The following LY75 variants were observed in gnomAD, a reference collection of about 807,000 sequenced individuals.
LY75 encodes the protein lymphocyte antigen 75, also known as C-type lectin domain family 13 member B.
A neutral mutation model predicts 231.7 loss-of-function variants in LY75; 185 were observed. The observed-to-expected ratio is 0.80, with a 90% CI of 0.71 to 0.90. The LOEUF is 0.90. Among genes scored for constraint, LY75 ranks in the 40% least tolerant of loss-of-function variants. The pLI, the probability that LY75 is intolerant of heterozygous loss-of-function variation, is 0.00. For missense variants in LY75, 1,947 were observed against 2,050.2 expected (o/e 0.95, Z 0.97); for synonymous variants, 668 against 689.0 (o/e 0.97, Z 0.48).
chr2:159,881,356 T>C, intron 7 of LY75, 116 bp from the exon 8 acceptor site: 1 of 1,216,118 alleles, frequency 8.2e-7, no homozygotes, highest in Non-Finnish European at 1.1e-6. Context: ...TGTAGTATTC[T>C]TAATTCGGTT....
rs1447579449 is a variant in LY75, at chr2:159,821,643, G to A, written c.3959-1723C>T. On this transcript the variant is annotated intron_variant, in intron 28 of 34. Transcript: ENST00000263636. ...TCAAAAAAAAAAAAAGAAAAGAAAA[G>A]AAAGAAAACATAGGAGTAAGTCTTC... Among the ~76,000 whole-genome samples the A allele has an allele frequency of 5.1e-4, 68 of 134,188 alleles. 1 individual carries two copies. Among genetic ancestry groups the A allele is most frequent in the Non-Finnish European group, 7.3e-4 (45 of 61,624 alleles). 88.0% of individuals were successfully genotyped at this position (134,188 alleles called of 152,430 possible).
rs1684604927 is a variant in LY75 at position 159,858,394 on chromosome 2, G to A, written c.2351C>T (p.Thr784Ile). The A allele has an allele frequency of 6.2e-7, 1 of 1,613,312 alleles. No individual in the cohort carries two copies. Among genetic ancestry groups the A allele is most frequent in the Non-Finnish European group, 8.5e-7 (1 of 1,179,720 alleles). ...FIYLRPFACD[T>I]KLEWVCQIPK... ...AATTTGGCACACCCATTCAAGTTTT[G>A]TATCACAAGCAAAAGGCCTCAAATA... is the stretch of plus-strand genomic sequence containing the variant. Residue 784 changes from threonine to isoleucine, a missense_variant, in exon 16 of 35, where the codon ACA becomes ATA. Thr to Ile is a moderately conservative substitution (Grantham distance 89). Transcript: ENST00000263636.
chr2:159,899,377 G>C (rs1276772388), intron 1 of LY75, among the ~76,000 whole-genome samples: 1 of 152,206 alleles, frequency 6.6e-6, no homozygotes, highest in Admixed American at 6.5e-5. Context: ...CATGAAAGGA[G>C]CTAATCCATG....
chr2:159,873,054 A>C (rs549505138), intron 12 of LY75, among the ~76,000 whole-genome samples: 16 of 152,294 alleles, frequency 1.1e-4, no homozygotes, highest in African/African-American at 3.8e-4. Flanking sequence ...AGCAGTCTGC[A>C]CTGGTGTGTG....
At chr2:159,897,510 A>G (rs939333131) in intron 2 of LY75, among the ~76,000 whole-genome samples, 2 of 152,216 alleles carry the variant, frequency 1.3e-5, no homozygotes, top group African/African-American at 4.8e-5. Context: ...ATTTCTCCAC[A>G]ACAGAACTTG....
At chr2:159,826,161 A>G (rs1007429159) in intron 28 of LY75, among the ~76,000 whole-genome samples, 4 of 152,232 alleles carry the variant, frequency 2.6e-5, no homozygotes, top group African/African-American at 9.6e-5. Context: ...AGGGGAAGTC[A>G]AATTGTCTCT....
At chr2:159,850,789 T>TATATATATATATAAAAAA (rs796940571) in intron 21 of LY75, among the ~76,000 whole-genome samples, 1 of 88,666 alleles carries the variant, frequency 1.1e-5, no homozygotes, top group Non-Finnish European at 2.6e-5. Flanking sequence ...TATATATATA[T>TATATATATATATAAAAAA]ATATATATAT....
chr2:159,808,672 C>A, intron 32 of LY75, 101 bp from the exon 33 acceptor site: 1 of 1,466,694 alleles, frequency 6.8e-7, no homozygotes, highest in Non-Finnish European at 9.1e-7. Flanking sequence ...TTAACAAGAT[C>A]ATTGATAAAT....
At chr2:159,860,689 T>C (rs1485905794) in intron 15 of LY75, 132 bp downstream of exon 15, 13 of 1,038,788 alleles carry the variant, frequency 1.3e-5, no homozygotes, top group Non-Finnish European at 5.8e-6. Flanking sequence ...GGCCAGGCCA[T>C]GGGTGTGCTT....
chr2:159,843,413 C>T (rs939431452), intron 23 of LY75, among the ~76,000 whole-genome samples: 1 of 151,120 alleles, frequency 6.6e-6, no homozygotes, highest in Non-Finnish European at 1.5e-5. Flanking sequence ...TGCCAATTAG[C>T]ATAATTGTCA....
intron 23 of LY75, 57 bp from the exon 24 acceptor site, chr2:159,842,431 A>G: frequency 1.3e-6 from 2 of 1,520,464 alleles, no homozygotes; most frequent in Non-Finnish European, 1.8e-6. Context: ...TGAAGCTCCT[A>G]GCAAGAAAAG....
At chr2:159,837,447 C>G (rs575270004) in intron 25 of LY75, among the ~76,000 whole-genome samples, 1 of 152,218 alleles carries the variant, frequency 6.6e-6, no homozygotes, top group South Asian at 2.1e-4. Flanking sequence ...ATATTGGGTA[C>G]ACATGGATGT....
intron 17 of LY75, 117 bp from the exon 18 acceptor site, chr2:159,854,652 G>A (rs971027029): frequency 1.6e-6 from 2 of 1,289,370 alleles, no homozygotes; most frequent in Non-Finnish European, 2.1e-6. Flanking sequence ...GCCCTCTCTG[G>A]CTGGGGCAGT....
chr2:159,819,823 T>C lies in LY75; in HGVS notation c.4056A>G (p.Leu1352=). 6.2e-7 allele frequency: 1 copy of C among 1,614,140 alleles called. No individual in the cohort carries two copies. The highest frequency in any genetic ancestry group is 8.5e-7 in the Non-Finnish European group (1 of 1,179,998). ...GAATATCCCAGAAGCCGTCAGTACTTAAACCAGCCAAAAACTTCTCATTTT... is the reference window on the plus strand; with the variant it reads ...GAATATCCCAGAAGCCGTCAGTACTCAAACCAGCCAAAAACTTCTCATTTT... ...TIKNEKFLAG[L]STDGFWDIQT... The change falls in exon 29 of 35, where the codon TTA becomes TTG. Residue 1352 remains leucine (L), a synonymous_variant. Coordinates refer to ENST00000263636, the MANE Select transcript of LY75 (RefSeq NM_002349.4).
chr2:159,875,368 T>TAA, intron 12 of LY75, 76 bp downstream of exon 12: 1 of 1,551,646 alleles, frequency 6.4e-7, no homozygotes, highest in Non-Finnish European at 8.7e-7. Flanking sequence ...GAGAAGAGCA[T>TAA]AATTTGTACA....
At chr2:159,869,699 C>T (rs928513856) in intron 13 of LY75, among the ~76,000 whole-genome samples, 1 of 152,168 alleles carries the variant, frequency 6.6e-6, no homozygotes, top group Non-Finnish European at 1.5e-5. Context: ...ACTGCCACAT[C>T]TGCTTCAAGT....
intron 31 of LY75, chr2:159,813,909 T>G: frequency 6.6e-6 from 1 of 152,272 alleles, no homozygotes; most frequent in South Asian, 2.1e-4. Context: ...ATTGTTTTTC[T>G]AAAGAGTTAC....
intron 23 of LY75, among the ~76,000 whole-genome samples, chr2:159,846,267 G>A (rs190822812): frequency 5.4e-4 from 82 of 152,014 alleles, no homozygotes; most frequent in Non-Finnish European, 8.7e-4. Flanking sequence ...ACTCCTGCTT[G>A]TAATCCCAGC....
At chr2:159,843,417 A>C (rs995333078) in intron 23 of LY75, among the ~76,000 whole-genome samples, 16 of 152,294 alleles carry the variant, frequency 1.1e-4, no homozygotes, top group African/African-American at 3.4e-4. Flanking sequence ...AATTAGCATA[A>C]TTGTCATAAC....
Sources: allele counts gnomAD v4.1 joint callset (sites outside exome capture counted in the v4.1 genomes callset), GRCh38; gene constraint gnomAD v4.1.1; transcripts MANE v1.5; gene names NCBI Gene and HGNC (gene_info 2026-07-23, HGNC 2026-07-21).